ARID1B: variants seen among roughly 807,000 people sequenced by gnomAD.
The protein encoded by ARID1B is AT-rich interaction domain 1B.
In ARID1B, 30 loss-of-function variants were observed where a neutral mutation model predicts 212.3. That is an observed-to-expected ratio of 0.14 (90% CI 0.11 to 0.19). The LOEUF (loss-of-function observed/expected upper bound fraction) is 0.19. Among genes scored for constraint, ARID1B ranks in the 10% least tolerant of loss-of-function variants. ARID1B has a pLI of 1.00. For missense variants in ARID1B, 2,891 were observed against 3,204.0 expected (o/e 0.90, Z 2.36); for synonymous variants, 1,402 against 1,301.7 (o/e 1.08, Z -1.66).
chr6:157,120,477 G>A (rs1051093794), intron 6 of ARID1B, among the ~76,000 whole-genome samples: 9 of 152,176 alleles, frequency 5.9e-5, no homozygotes, highest in South Asian at 2.1e-4. Flanking sequence ...AGCCTTGAAC[G>A]GGCCATTAGT....
At chr6:156,991,174 TAGC>T (rs1778254299) in intron 4 of ARID1B, among the ~76,000 whole-genome samples, 1 of 152,194 alleles carries the variant, frequency 6.6e-6, no homozygotes, top group African/African-American at 2.4e-5. Context: ...CTGCAGATGC[TAGC>T]CTGTCTCTTG....
intron 2 of ARID1B, among the ~76,000 whole-genome samples, chr6:156,892,514 G>A (rs994331539): frequency 2.0e-5 from 3 of 152,176 alleles, no homozygotes; most frequent in Non-Finnish European, 4.4e-5. Flanking sequence ...TCTGTATTAA[G>A]TGTATATACA....
chr6:157,152,177 C>G (rs1019939553), intron 8 of ARID1B: 1 of 152,234 alleles, frequency 6.6e-6, no homozygotes, highest in Non-Finnish European at 1.5e-5. Flanking sequence ...CTTTTACCAA[C>G]TCCAGAGGCC....
intron 4 of ARID1B, among the ~76,000 whole-genome samples, chr6:157,069,535 C>G (rs1474523196): frequency 6.6e-6 from 1 of 152,214 alleles, no homozygotes; most frequent in Non-Finnish European, 1.5e-5. Flanking sequence ...CTTTTCCTCA[C>G]CAATGTAAAG....
At chr6:156,961,181 C>T (rs528865742) in intron 4 of ARID1B, among the ~76,000 whole-genome samples, 1 of 152,328 alleles carries the variant, frequency 6.6e-6, no homozygotes, top group East Asian at 1.9e-4. Flanking sequence ...TAAACACTCC[C>T]AGGTGCGTGC....
chr6:157,075,375 T>G (rs1419651069), intron 4 of ARID1B, among the ~76,000 whole-genome samples: 1 of 152,228 alleles, frequency 6.6e-6, no homozygotes, highest in Admixed American at 6.5e-5. Flanking sequence ...TCTAAAGCAT[T>G]CAGAAGTCTT....
intron 5 of ARID1B, among the ~76,000 whole-genome samples, chr6:157,096,070 A>G (rs958943983): frequency 2.3e-4 from 35 of 152,136 alleles, no homozygotes; most frequent in African/African-American, 8.2e-4. Flanking sequence ...TGCCTGGAAC[A>G]TCCATCCCAC....
At position 156,952,875 on chromosome 6, in the gene ARID1B, C is replaced by T. The variant is rs555644416; in HGVS notation, c.2247+17299C>T. Among the ~76,000 whole-genome samples the T allele has an allele frequency of 1.6e-4, 24 of 152,296 alleles. No homozygotes were observed. The South Asian group carries it at 4.4e-3, about 28-fold the overall frequency. On this transcript the variant is annotated intron_variant, in intron 4 of 19. Transcript: ENST00000636930. ...CAGGCTAGTCATTTATGACTTTCTT[C>T]GAGTAAGCGAAAATCCTTGGAGTCT...
At chr6:157,037,140 T>C (rs1279136646) in intron 4 of ARID1B, among the ~76,000 whole-genome samples, 1 of 152,218 alleles carries the variant, frequency 6.6e-6, no homozygotes, top group African/African-American at 2.4e-5. Flanking sequence ...AAATTTCAAT[T>C]CGGCATAGCA....
intron 13 of ARID1B, among the ~76,000 whole-genome samples, chr6:157,187,805 T>G (rs777424752): frequency 3.3e-5 from 5 of 152,034 alleles, no homozygotes; most frequent in Non-Finnish European, 7.4e-5. Context: ...CTTTTTTTTT[T>G]TATTAGCTAT....
At chr6:156,999,156 A>T (rs1358917343) in intron 4 of ARID1B, among the ~76,000 whole-genome samples, 4 of 152,226 alleles carry the variant, frequency 2.6e-5, no homozygotes, top group African/African-American at 9.6e-5. Context: ...TCCTGTACTT[A>T]CGTATGAGGC....
At chr6:156,989,109 T>C (rs1778114042) in intron 4 of ARID1B, among the ~76,000 whole-genome samples, 1 of 152,202 alleles carries the variant, frequency 6.6e-6, no homozygotes, top group African/African-American at 2.4e-5. Context: ...TCCCATTCTT[T>C]GAGCTCCCTT....
intron 4 of ARID1B, among the ~76,000 whole-genome samples, chr6:156,989,845 G>T (rs1312541969): frequency 6.6e-6 from 1 of 152,200 alleles, no homozygotes. Context: ...TACCTCCCGG[G>T]TGATGGGAGT....
Position 157,123,315 on chromosome 6 carries a change from G to A in ARID1B, c.2582-9713G>A, listed in dbSNP as rs183795174. 1.1e-3 allele frequency among the ~76,000 whole-genome samples: 155 copies of A among 138,768 alleles called. 1 individual carries two copies. The highest frequency in any genetic ancestry group is 3.0e-3 in the African/African-American group (111 of 37,544). 91.0% of individuals were successfully genotyped at this position (138,768 alleles called of 152,430 possible). On this transcript the variant is annotated intron_variant, in intron 6 of 19. Coordinates refer to ENST00000636930, the MANE Select transcript of ARID1B (RefSeq NM_001374828.1). ...AAGGATGTATACTGCTTCTTAGGCC[G>A]CCCAGAGCTAATCAGTACTATAGCT...
At chr6:157,029,378 T>C (rs1328837708) in intron 4 of ARID1B, among the ~76,000 whole-genome samples, 1 of 152,260 alleles carries the variant, frequency 6.6e-6, no homozygotes, top group African/African-American at 2.4e-5. Flanking sequence ...ATATTTTTAT[T>C]GTTTTGTTAT....
At chr6:157,006,098 G>A (rs1439584372) in intron 4 of ARID1B, among the ~76,000 whole-genome samples, 1 of 151,946 alleles carries the variant, frequency 6.6e-6, no homozygotes, top group Non-Finnish European at 1.5e-5. Flanking sequence ...TTGGTATTCC[G>A]TGGAAGTTCA....
intron 3 of ARID1B, among the ~76,000 whole-genome samples, chr6:156,929,042 C>A (rs921463692): frequency 1.3e-5 from 2 of 152,274 alleles, no homozygotes; most frequent in East Asian, 3.9e-4. Flanking sequence ...CCATCACTTT[C>A]AGTTACTCCA....
At position 156,797,683 on chromosome 6, in the gene ARID1B, G is replaced by A. The variant is rs764357457; in HGVS notation, c.1791+18212G>A. ...CCAGGCTGTGGTTTTGGATTTGGAC[G>A]TGTTGGGTTGAGATGGTTTCCAGAC... is the stretch of plus-strand genomic sequence containing the variant. On this transcript the variant is annotated intron_variant, in intron 1 of 19. Coordinates refer to ENST00000636930, the MANE Select transcript of ARID1B (RefSeq NM_001374828.1). Among the ~76,000 whole-genome samples the A allele has an allele frequency of 2.6e-5, 4 of 152,314 alleles. No individual in the cohort carries two copies. The South Asian group carries it at 8.3e-4, about 32-fold the overall frequency.
chr6:156,901,091 A>C (rs1191054193), intron 2 of ARID1B, among the ~76,000 whole-genome samples: 1 of 152,150 alleles, frequency 6.6e-6, no homozygotes, highest in Non-Finnish European at 1.5e-5. Flanking sequence ...TTTTAGTCTC[A>C]GTATTTAGCA....
Sources: allele counts gnomAD v4.1 joint callset (sites outside exome capture counted in the v4.1 genomes callset), GRCh38; gene constraint gnomAD v4.1.1; transcripts MANE v1.5; gene names NCBI Gene and HGNC (gene_info 2026-07-23, HGNC 2026-07-21).